AFAP1: variants seen among roughly 807,000 people sequenced by gnomAD.
AFAP1 encodes the protein actin filament associated protein 1.
AFAP1 carries 75 observed loss-of-function variants against 93.9 expected under a neutral mutation model. The observed-to-expected ratio is 0.80, with a 90% confidence interval of 0.66 to 0.97. The LOEUF is 0.97. Among genes scored for constraint, AFAP1 ranks in the 50% least tolerant of loss-of-function variants. The pLI is 0.00. For missense variants in AFAP1, 1,201 were observed against 1,050.8 expected, an observed-to-expected ratio of 1.14 and a Z score of -1.98; for synonymous variants, 517 against 430.7, an observed-to-expected ratio of 1.20 and a Z score of -2.48.
chr4:7,907,265 A>T (rs1719465977), intron 1 of AFAP1, among the ~76,000 whole-genome samples: 1 of 152,214 alleles, frequency 6.6e-6, no homozygotes, highest in African/African-American at 2.4e-5. Flanking sequence ...GCTGACAGCT[A>T]AACCACTGCT....
intron 6 of AFAP1, among the ~76,000 whole-genome samples, chr4:7,829,829 G>A (rs1199039473): frequency 6.6e-6 from 1 of 152,156 alleles, no homozygotes; most frequent in African/African-American, 2.4e-5. Flanking sequence ...ATTATAATAC[G>A]AATGCTGATA....
At chr4:7,922,090 C>A (rs554366506) in intron 1 of AFAP1, among the ~76,000 whole-genome samples, 3 of 152,048 alleles carry the variant, frequency 2.0e-5, no homozygotes, top group South Asian at 2.1e-4. Flanking sequence ...GCCAGCCTGG[C>A]GACAGAGTGA....
In AFAP1 at chr4:7,768,388, A is replaced by G. The variant is rs548483377; in HGVS notation, c.2418+456T>C. Among the ~76,000 whole-genome samples the G allele has an allele frequency of 5.3e-5, 8 of 152,352 alleles. No individual in the cohort carries two copies. The East Asian group carries it at 1.5e-3, about 29-fold the overall frequency. ...GTAAACAGGTTCCTCCGAGGCCCTC[A>G]GAGCCCGATTCATGCAGCTGGCGGT... On this transcript the variant is annotated intron_variant, in intron 17 of 17. Coordinates refer to ENST00000420658, the MANE Select transcript of AFAP1 (RefSeq NM_001134647.2).
intron 1 of AFAP1, among the ~76,000 whole-genome samples, chr4:7,884,675 G>A (rs970749012): frequency 9.2e-5 from 14 of 152,152 alleles, no homozygotes; most frequent in Non-Finnish European, 1.6e-4. Flanking sequence ...ACGTACACCA[G>A]AAAAACTCTA....
chr4:7,868,097 AAAAC>A (rs1716626993), intron 3 of AFAP1, among the ~76,000 whole-genome samples: 1 of 152,160 alleles, frequency 6.6e-6, no homozygotes, highest in African/African-American at 2.4e-5. Flanking sequence ...TAAAAAAAAA[AAAAC>A]AACAAATTTG....
At chr4:7,845,872 C>T (rs191158531) in intron 4 of AFAP1, among the ~76,000 whole-genome samples, 43 of 119,608 alleles carry the variant, frequency 3.6e-4, no homozygotes, top group African/African-American at 1.5e-3. Flanking sequence ...CTCTGCTGGA[C>T]GGCACAGGGG....
chr4:7,848,626 T>G (rs1161595381), intron 4 of AFAP1, among the ~76,000 whole-genome samples: 1 of 152,144 alleles, frequency 6.6e-6, no homozygotes, highest in Non-Finnish European at 1.5e-5. Context: ...CGGATGGTAC[T>G]GCCTACACTG....
At chr4:7,928,482 G>A (rs140993725) in intron 1 of AFAP1, among the ~76,000 whole-genome samples, 2,361 of 152,172 alleles carry the variant, frequency 0.016, 71 homozygotes, top group African/African-American at 0.054. Flanking sequence ...CCGCCTCCCG[G>A]GTTCAAGCGA....
intron 10 of AFAP1, among the ~76,000 whole-genome samples, chr4:7,795,141 G>C (rs544390745): frequency 6.6e-6 from 1 of 152,200 alleles, no homozygotes; most frequent in East Asian, 1.9e-4. Context: ...CTCTCTAAAG[G>C]AAGGGATGTT....
chr4:7,763,872 T>A, intron 17 of AFAP1, 81 bp from the exon 18 acceptor site: 1 of 1,422,528 alleles, frequency 7.0e-7, no homozygotes, highest in Non-Finnish European at 9.7e-7. Flanking sequence ...CACATTCAAC[T>A]CAGAGGGGGT....
At chr4:7,880,217 A>C (rs941088445) in intron 1 of AFAP1, among the ~76,000 whole-genome samples, 4 of 150,128 alleles carry the variant, frequency 2.7e-5, no homozygotes, top group Non-Finnish European at 5.9e-5. Flanking sequence ...CATTTTCTTT[A>C]TTTACCTTCA....
intron 1 of AFAP1, among the ~76,000 whole-genome samples, chr4:7,933,253 G>T (rs1214057404): frequency 1.3e-5 from 2 of 151,886 alleles, no homozygotes; most frequent in Non-Finnish European, 2.9e-5. Flanking sequence ...TAACCAGGGA[G>T]GTCCAATCTA....
chr4:7,775,966 C>G (rs1226974055), intron 14 of AFAP1: 2 of 152,186 alleles, frequency 1.3e-5, no homozygotes, highest in Non-Finnish European at 2.9e-5. Flanking sequence ...CTTTCAAAAC[C>G]TGACCCCATG....
intron 17 of AFAP1, among the ~76,000 whole-genome samples, chr4:7,765,835 C>G (rs1347233728): frequency 6.6e-6 from 1 of 152,164 alleles, no homozygotes; most frequent in African/African-American, 2.4e-5. Flanking sequence ...GTGAGTCCCA[C>G]CAAGGACTTC....
intron 17 of AFAP1, among the ~76,000 whole-genome samples, chr4:7,766,475 A>G (rs1463558277): frequency 6.6e-6 from 1 of 152,218 alleles, no homozygotes; most frequent in East Asian, 1.9e-4. Flanking sequence ...CACACTGGCC[A>G]CAGAATAAGC....
At chr4:7,763,817 T>C (rs1714148220) in intron 17 of AFAP1, 26 bp from the exon 18 acceptor site, 28 of 1,551,376 alleles carry the variant, frequency 1.8e-5, no homozygotes, top group East Asian at 2.4e-5. Context: ...GTCTTGTAAG[T>C]GGACAGGGCA....
intron 8 of AFAP1, among the ~76,000 whole-genome samples, chr4:7,810,121 C>T (rs1013450421): frequency 2.0e-5 from 3 of 152,194 alleles, no homozygotes; most frequent in Non-Finnish European, 4.4e-5. Flanking sequence ...CCTTGGCCTC[C>T]CAAAGTGCTG....
intron 6 of AFAP1, among the ~76,000 whole-genome samples, chr4:7,819,437 AATTT>A (rs1720773789): frequency 6.6e-6 from 1 of 152,202 alleles, no homozygotes; most frequent in South Asian, 2.1e-4. Flanking sequence ...CATTCCATGT[AATTT>A]ATTTATCGCC....
chr4:7,771,418 A>G (rs1316053507), intron 16 of AFAP1, among the ~76,000 whole-genome samples: 1 of 152,134 alleles, frequency 6.6e-6, no homozygotes, highest in East Asian at 1.9e-4. Context: ...TATTTTATAT[A>G]TAATAGATAA....
Sources: gnomAD v4.1 joint callset for allele counts (sites outside exome capture counted in the v4.1 genomes callset) on GRCh38, gnomAD v4.1.1 for gene constraint, MANE v1.5 for transcripts, NCBI Gene and HGNC (gene_info 2026-07-23, HGNC 2026-07-21) for gene names.